Variants in HPS1 observed in about 807,000 individuals in gnomAD.
The protein encoded by HPS1 is BLOC-3 complex member HPS1.
In HPS1, 59 loss-of-function variants were observed where a neutral mutation model predicts 90.6. The observed-to-expected ratio is 0.65, with a 90% confidence interval of 0.53 to 0.81. The LOEUF is 0.81. Among genes scored for constraint, HPS1 ranks in the 30% least tolerant of loss-of-function variants. The pLI is 0.00. For missense variants in HPS1, 849 were observed against 896.7 expected (o/e 0.95, Z 0.68); for synonymous variants, 388 against 384.4 (o/e 1.01, Z -0.11).
intron 13 of HPS1, 64 bp downstream of exon 13, chr10:98,425,477 G>T: frequency 6.6e-7 from 1 of 1,518,394 alleles, no homozygotes; most frequent in Non-Finnish European, 9.0e-7. Flanking sequence ...GCTGTGGACC[G>T]GATGTACCCT....
rs769446880 is a variant in HPS1 at position 98,423,772 on chromosome 10, G to A, written c.1513C>T (p.Gln505Ter). Residue 505 changes from glutamine to a stop codon, truncating the protein, a stop_gained, in exon 15 of 20, where the codon CAA (glutamine) becomes TAA (stop). Coordinates refer to ENST00000361490, the MANE Select transcript of HPS1 (RefSeq NM_000195.5). LOFTEE classifies it high-confidence loss of function. ...ACTTACCGCATGAGCCTCTGCACTT[G>A]GTCCTGCAGGTGCTGGGGCAGGTGT... ...GPHLPQHLQD[Q>*]VQRLMREKLT... is the part of the protein sequence containing the mutation. 5 of 1,614,122 alleles carry A rather than the reference G, an allele frequency of 3.1e-6. No homozygotes were observed. Among genetic ancestry groups the A allele is most frequent in the Non-Finnish European group, 4.2e-6 (5 of 1,180,034 alleles).
rs149357692 is a variant in HPS1 at position 98,426,041 on chromosome 10, A to C, written c.988-56T>G. The C allele has an allele frequency of 4.8e-4, 709 of 1,474,186 alleles. 6 individuals are homozygous for C. The East Asian group carries it at 0.016, about 32-fold the overall frequency. The allele number at this position is 1,474,186 out of a possible 1,614,324, so 91.3% of individuals were successfully genotyped here. The stretch of plus-strand genomic sequence containing the variant: ...TGGGATCCCTAAGTTGGACCCACCC[A>C]TTGCGGCCCTATCTGTGAACCACAA... On this transcript the variant is annotated intron_variant, in intron 11 of 19. Transcript: ENST00000361490.
In HPS1 at chr10:98,441,448, C is replaced by G. The variant is rs137906777; in HGVS notation, c.117+1676G>C. Among the ~76,000 whole-genome samples the G allele has an allele frequency of 1.6e-3, 245 of 152,244 alleles. 3 individuals carry two copies. The East Asian group carries it at 0.041, about 25-fold the overall frequency. On this transcript the variant is annotated intron_variant, in intron 3 of 19. Coordinates refer to ENST00000361490, the MANE Select transcript of HPS1 (RefSeq NM_000195.5). ...CTTTCAAAAGAATATGTAGAGAAAA[C>G]TCTTTGTAAGTTGGGCAAAGATTTC... is the stretch of plus-strand genomic sequence containing the variant.
intron 6 of HPS1, among the ~76,000 whole-genome samples, chr10:98,432,419 C>T (rs1764147358): frequency 6.6e-6 from 1 of 152,186 alleles, no homozygotes; most frequent in Non-Finnish European, 1.5e-5. Context: ...TTCCCATGGC[C>T]TGGCACACCT....
intron 13 of HPS1, 120 bp downstream of exon 13, chr10:98,425,421 G>A (rs1845469695): frequency 5.4e-6 from 5 of 924,166 alleles, no homozygotes; most frequent in East Asian, 2.6e-5. Flanking sequence ...TAGGCCCGGG[G>A]GAGGTGGAGC....
intron 3 of HPS1, among the ~76,000 whole-genome samples, chr10:98,438,237 G>T (rs1387465261): frequency 2.6e-5 from 4 of 152,200 alleles, no homozygotes; most frequent in Non-Finnish European, 5.9e-5. Flanking sequence ...ACCCAAAAAT[G>T]TGAAAGTGAC....
chr10:98,425,410 G>A (rs1372238082), intron 13 of HPS1, 131 bp downstream of exon 13: 10 of 841,374 alleles, frequency 1.2e-5, no homozygotes, highest in Admixed American at 4.3e-5. Flanking sequence ...AACAAGGATC[G>A]TAGGCCCGGG....
chr10:98,414,241 G>C (rs1157926276), downstream of HPS1: 2 of 151,978 alleles, frequency 1.3e-5, no homozygotes, highest in African/African-American at 2.4e-5. Flanking sequence ...GTCTGCTTTC[G>C]GTCCCGTCAT....
At position 98,422,416 on chromosome 10, in the gene HPS1, A is replaced by T. The variant is rs1306644400; in HGVS notation, c.1696T>A (p.Ser566Thr). Residue 566 changes from serine (S) to threonine (T), a missense_variant, in exon 17 of 20, where the codon TCG (serine) becomes ACG (threonine). Transcript: ENST00000361490. ...APSLNCSQKT[S>T]SELGKGPLAA... is the part of the protein sequence containing the mutation. ...AGCGGCCCCTTGCCCAACTCCGACG[A>T]GGTCTTTTGACTGCAGTTGAGGGAA... is the stretch of plus-strand genomic sequence containing the variant. 1 of 1,613,762 alleles carries T rather than the reference A, an allele frequency of 6.2e-7. No homozygotes were observed. Among genetic ancestry groups the T allele is most frequent in the Admixed American group, 1.7e-5 (1 of 60,012 alleles).
chr10:98,417,786 G>C lies in HPS1; in HGVS notation c.1941-60C>G. ...AGGCTGTGGCACTCCTCCAGCGCCAGAGGCCTCTCTGGGCCCTCGCAAGCA... is the reference window on the plus strand; with the variant it reads ...AGGCTGTGGCACTCCTCCAGCGCCACAGGCCTCTCTGGGCCCTCGCAAGCA... On this transcript the variant is annotated intron_variant, in intron 19 of 19. Coordinates refer to ENST00000361490, the MANE Select transcript of HPS1 (RefSeq NM_000195.5). The surrounding 1 kb of genome is among the most constrained non-coding windows in gnomAD (Gnocchi z 4.2). 6.5e-7 allele frequency: 1 copy of C among 1,534,124 alleles called. No individual in the cohort carries two copies. Among genetic ancestry groups the C allele is most frequent in the Middle Eastern group, 1.8e-4 (1 of 5,640 alleles).
chr10:98,414,139 T>C (rs1051536868), downstream of HPS1: 1 of 152,062 alleles, frequency 6.6e-6, no homozygotes, highest in African/African-American at 2.4e-5. Flanking sequence ...CATTTTTCCC[T>C]GGAGAGGTGA....
chr10:98,418,342 G>T, intron 18 of HPS1, 85 bp from the exon 19 acceptor site: 1 of 696,768 alleles, frequency 1.4e-6, no homozygotes, highest in Admixed American at 2.3e-5. Context: ...GCCTGGCTTG[G>T]CTCTGTCATG....
chr10:98,420,509 T>A, intron 17 of HPS1: 4 of 349,490 alleles, frequency 1.1e-5, no homozygotes, highest in South Asian at 6.7e-5. Flanking sequence ...AGCTCAGGAG[T>A]TCGAGACCAT....
rs541455519 is a variant in HPS1, at chr10:98,442,944, A to G, written c.117+180T>C. On this transcript the variant is annotated intron_variant, in intron 3 of 19. Transcript: ENST00000361490. ...GGGGTGGGGTCACCGAGCTCAGAGC[A>G]TCAAGAGGCCAACCTTGAGGATAAG... 30 of 675,030 alleles carry G rather than the reference A, an allele frequency of 4.4e-5. No homozygotes were observed. In the African/African-American group the frequency reaches 4.9e-4, roughly 11 times the overall value. The allele number at this position is 675,030 out of a possible 1,614,324, so 41.8% of individuals were successfully genotyped here. A position where few individuals can be genotyped will look rare whatever the true frequency, so the allele number is the denominator to read the frequency against.
At chr10:98,419,378 C>T (rs541497749) in intron 18 of HPS1, among the ~76,000 whole-genome samples, 13 of 151,990 alleles carry the variant, frequency 8.6e-5, no homozygotes, top group African/African-American at 1.2e-4. Flanking sequence ...AGGAGGAAAG[C>T]GAAGAAAGGG....
chr10:98,433,306 T>A (rs1418176031), intron 6 of HPS1, among the ~76,000 whole-genome samples: 4 of 150,978 alleles, frequency 2.6e-5, no homozygotes, highest in Non-Finnish European at 5.9e-5. Flanking sequence ...AAGCTGAAAG[T>A]GAGGCCCAGT....
At chr10:98,420,375 T>C (rs1844699449) in intron 17 of HPS1, 1 of 536,898 alleles carries the variant, frequency 1.9e-6, no homozygotes, top group Non-Finnish European at 3.4e-6. Context: ...GGGCAAAATA[T>C]ATGTAAAAAA....
chr10:98,443,209 G>A lies in HPS1; in HGVS notation c.32C>T (p.Ala11Val). The change falls in exon 3 of 20, where the codon GCA (alanine) becomes GTA (valine). Residue 11 changes from alanine to valine, a missense_variant. Transcript: ENST00000361490. MKCVLVATEG[A>V]EVLFYWTDQE... Reference sequence around the variant, plus strand: ...ATCTGTCCAGTAGAAGAGGACCTCTGCGCCCTCAGTGGCCACCAAGACGCA... The same window carrying A: ...ATCTGTCCAGTAGAAGAGGACCTCTACGCCCTCAGTGGCCACCAAGACGCA... 6.2e-7 allele frequency: 1 copy of A among 1,614,052 alleles called. No homozygotes were observed. Among genetic ancestry groups the A allele is most frequent in the Non-Finnish European group, 8.5e-7 (1 of 1,179,988 alleles).
intron 10 of HPS1, 119 bp from the exon 11 acceptor site, chr10:98,427,383 C>T (rs1205469731): frequency 3.7e-6 from 3 of 811,478 alleles, no homozygotes; most frequent in South Asian, 1.5e-5. Flanking sequence ...GCTGCCAGCT[C>T]CACGCAGGGG....
Sources: allele counts gnomAD v4.1 joint callset (sites outside exome capture counted in the v4.1 genomes callset), GRCh38; gene constraint gnomAD v4.1.1; non-coding constraint Gnocchi (gnomAD v3.1); transcripts MANE v1.5; gene names NCBI Gene and HGNC (gene_info 2026-07-23, HGNC 2026-07-21).